PTPN12: variants seen among roughly 807,000 people sequenced by gnomAD.
PTPN12 encodes protein tyrosine phosphatase non-receptor type 12.
A neutral mutation model predicts 97.6 loss-of-function variants in PTPN12; 29 were observed. The observed-to-expected ratio is 0.30, with a 90% CI of 0.22 to 0.41. The LOEUF is 0.41. Ranked by LOEUF, PTPN12 falls within the 10% of genes least tolerant of loss-of-function variation. The pLI is 1.00. For synonymous variants in PTPN12, 327 were observed against 300.4 expected (o/e 1.09, Z -0.91); for missense variants, 819 against 926.0 (o/e 0.88, Z 1.50).
At chr7:77,604,859 T>C (rs1196183721) in intron 8 of PTPN12, 1 of 431,348 alleles carries the variant, frequency 2.3e-6, no homozygotes, top group Non-Finnish European at 4.7e-6. Context: ...AGAATTTAAT[T>C]TTTTGCTCTT....
In PTPN12 at chr7:77,592,168, T is replaced by C; in HGVS notation, c.421-17T>C. ...ACTTACATGAATTACTTACTAATTT[T>C]TTTTTTTGGATGACAGAAAAAATGT... On this transcript the variant is annotated splice_polypyrimidine_tract_variant and intron_variant, in intron 5 of 17. Coordinates refer to ENST00000248594, the MANE Select transcript of PTPN12 (RefSeq NM_002835.4). 6.3e-7 allele frequency: 1 copy of C among 1,597,642 alleles called. No individual in the cohort carries two copies. Among genetic ancestry groups the C allele is most frequent in the Non-Finnish European group, 8.5e-7 (1 of 1,173,154 alleles).
At chr7:77,578,209 G>A (rs900854190) in intron 2 of PTPN12, among the ~76,000 whole-genome samples, 1 of 152,096 alleles carries the variant, frequency 6.6e-6, no homozygotes, top group East Asian at 1.9e-4. Flanking sequence ...ATATGAATAA[G>A]GGTAATTAAC....
chr7:77,560,602 G>T (rs983662730), intron 1 of PTPN12, among the ~76,000 whole-genome samples: 2 of 152,052 alleles, frequency 1.3e-5, no homozygotes. Context: ...CTTTCTGTCT[G>T]TATGGATTTG....
At chr7:77,571,837 T>A (rs1386015109) in intron 2 of PTPN12, among the ~76,000 whole-genome samples, 1 of 152,090 alleles carries the variant, frequency 6.6e-6, no homozygotes, top group Non-Finnish European at 1.5e-5. Flanking sequence ...TGATTACAGG[T>A]GTGAGCCACT....
intron 7 of PTPN12, 101 bp downstream of exon 7, chr7:77,598,002 A>T: frequency 6.8e-7 from 1 of 1,461,334 alleles, no homozygotes; most frequent in South Asian, 1.4e-5. Context: ...CTGAAGTGGG[A>T]GGGTGACTTG....
At chr7:77,583,275 T>C (rs4729544) in intron 3 of PTPN12, among the ~76,000 whole-genome samples, 33,231 of 152,080 alleles carry the variant, frequency 0.22, 4,669 homozygotes, top group East Asian at 0.7. Context: ...TTGTTATTAA[T>C]GCCTAGATAA....
chr7:77,637,585 G>A (rs1276178701), intron 16 of PTPN12, among the ~76,000 whole-genome samples: 8 of 152,120 alleles, frequency 5.3e-5, no homozygotes, highest in Non-Finnish European at 1.0e-4. Flanking sequence ...GGCCTGGCGT[G>A]GTGGCTCACA....
intron 12 of PTPN12, among the ~76,000 whole-genome samples, chr7:77,618,773 A>G (rs1180193354): frequency 2.6e-5 from 4 of 152,234 alleles, no homozygotes; most frequent in Admixed American, 2.6e-4. Context: ...AATATACTGT[A>G]GCAGAATGTG....
At chr7:77,602,894 AT>A (rs1162567511) in intron 8 of PTPN12, among the ~76,000 whole-genome samples, 1 of 152,160 alleles carries the variant, frequency 6.6e-6, no homozygotes, top group Admixed American at 6.6e-5. Flanking sequence ...AGTAAATGAG[AT>A]TTTTCAAACT....
At chr7:77,579,498 TTTAA>T (rs1486650094) in intron 2 of PTPN12, among the ~76,000 whole-genome samples, 2 of 152,214 alleles carry the variant, frequency 1.3e-5, no homozygotes, top group African/African-American at 2.4e-5. Context: ...TATAGTCTTG[TTTAA>T]TTAATAGTTT....
intron 2 of PTPN12, among the ~76,000 whole-genome samples, chr7:77,576,670 C>G (rs913627833): frequency 6.6e-5 from 10 of 152,136 alleles, no homozygotes; most frequent in African/African-American, 2.2e-4. Flanking sequence ...GCACTCCAAC[C>G]TGGGTGACAG....
chr7:77,613,797 C>G (rs1005894736), intron 11 of PTPN12, among the ~76,000 whole-genome samples: 7 of 151,930 alleles, frequency 4.6e-5, no homozygotes, highest in African/African-American at 4.8e-5. Flanking sequence ...AGCCTGGTCT[C>G]AAATCCTTGG....
At chr7:77,617,013 C>G (rs1237731892) in intron 11 of PTPN12, among the ~76,000 whole-genome samples, 1 of 152,084 alleles carries the variant, frequency 6.6e-6, no homozygotes, top group East Asian at 1.9e-4. Flanking sequence ...GAACTCTAGA[C>G]CTCAAGTGAT....
At chr7:77,564,906 C>T (rs1056468244) in intron 1 of PTPN12, among the ~76,000 whole-genome samples, 6 of 147,296 alleles carry the variant, frequency 4.1e-5, no homozygotes, top group Admixed American at 3.4e-4. Context: ...TACAGGCATG[C>T]GCCACCATGC....
intron 14 of PTPN12, among the ~76,000 whole-genome samples, chr7:77,635,037 G>GTC (rs1290183872): frequency 2.6e-5 from 4 of 151,782 alleles, no homozygotes; most frequent in Non-Finnish European, 4.4e-5. Context: ...TAGAGATAGG[G>GTC]TCTCACCATG....
intron 1 of PTPN12, among the ~76,000 whole-genome samples, chr7:77,539,195 C>T (rs1472760812): frequency 1.3e-5 from 2 of 152,038 alleles, no homozygotes; most frequent in East Asian, 1.9e-4. Flanking sequence ...TAAAATAGGC[C>T]CTTGACCATA....
rs759865689 is a variant in PTPN12 at position 77,611,094 on chromosome 7, A to G, written c.939+48A>G. ...TTTTAGGAAACTTTTACTCTTTGTT[A>G]AGATGTAATATTTAGCCTTTTTTTT... is the stretch of plus-strand genomic sequence containing the variant. On this transcript the variant is annotated intron_variant, in intron 11 of 17. Coordinates refer to ENST00000248594, the MANE Select transcript of PTPN12 (RefSeq NM_002835.4). The G allele has an allele frequency of 7.8e-6, 11 of 1,418,080 alleles. No individual in the cohort carries two copies. In the South Asian group the frequency reaches 1.1e-4, roughly 14 times the overall value. 87.8% of individuals were successfully genotyped at this position (1,418,080 alleles called of 1,614,324 possible). A position where few individuals can be genotyped will look rare whatever the true frequency, so the allele number is the denominator to read the frequency against.
chr7:77,548,881 T>C (rs1342121772), intron 1 of PTPN12, among the ~76,000 whole-genome samples: 1 of 152,222 alleles, frequency 6.6e-6, no homozygotes, highest in East Asian at 1.9e-4. Flanking sequence ...GGTTTTCAAG[T>C]TTCCATGTCT....
chr7:77,537,445 G>A lies in PTPN12; in HGVS notation c.-102G>A. 3 of 1,412,650 alleles carry A rather than the reference G, an allele frequency of 2.1e-6. No individual in the cohort carries two copies. Among genetic ancestry groups the A allele is most frequent in the Non-Finnish European group, 2.8e-6 (3 of 1,077,998 alleles). The allele number at this position is 1,412,650 out of a possible 1,614,324, so 87.5% of individuals were successfully genotyped here. On this transcript the variant is annotated 5_prime_UTR_variant, in exon 1 of 18. Transcript: ENST00000248594. ...CGGGGCTTGGCGGGGTCGGGAGGGA[G>A]GGACGTGCTGGGGGAACGAGCTGGG...
Sources: gnomAD v4.1 joint callset for allele counts (sites outside exome capture counted in the v4.1 genomes callset) on GRCh38, gnomAD v4.1.1 for gene constraint, MANE v1.5 for transcripts, NCBI Gene and HGNC (gene_info 2026-07-23, HGNC 2026-07-21) for gene names.